Variants in CSMD1 observed in about 807,000 individuals in gnomAD.
The protein encoded by CSMD1 is CUB and Sushi multiple domains 1.
Under a neutral mutation model 417.5 loss-of-function variants are expected in CSMD1, and 213 were observed. That is an observed-to-expected ratio of 0.51 (90% CI 0.46 to 0.57). CSMD1 has a LOEUF of 0.57. CSMD1 is among the 20% of genes least tolerant of loss of function. The pLI is 0.00. For missense variants in CSMD1, 6,923 were observed against 4,529.7 expected (o/e 1.53, Z -15.17); for synonymous variants, 2,862 against 1,736.8 (o/e 1.65, Z -16.11).
chr8:4,556,676 G>GT (rs1243191933), intron 2 of CSMD1, among the ~76,000 whole-genome samples: 1 of 152,090 alleles, frequency 6.6e-6, no homozygotes, highest in Non-Finnish European at 1.5e-5. Context: ...AACAACAAAA[G>GT]TTTTTTTCCA....
chr8:3,469,408 T>G (rs1288134338), intron 11 of CSMD1, among the ~76,000 whole-genome samples: 1 of 152,190 alleles, frequency 6.6e-6, no homozygotes, highest in East Asian at 1.9e-4. Flanking sequence ...GAAATAGATT[T>G]GGCAGCATTT....
chr8:4,646,926 C>T (rs943443818), intron 1 of CSMD1, among the ~76,000 whole-genome samples: 1 of 152,056 alleles, frequency 6.6e-6, no homozygotes, highest in Non-Finnish European at 1.5e-5. Context: ...AAAATTAGTA[C>T]ACACATTTTT....
At chr8:3,992,239 A>G (rs1376537287) in intron 5 of CSMD1, among the ~76,000 whole-genome samples, 4 of 152,018 alleles carry the variant, frequency 2.6e-5, no homozygotes, top group East Asian at 3.9e-4. Context: ...CTTCTAAAAA[A>G]CAACACTTCT....
At chr8:3,820,973 A>G (rs576416905) in intron 5 of CSMD1, among the ~76,000 whole-genome samples, 1 of 151,880 alleles carries the variant, frequency 6.6e-6, no homozygotes, top group East Asian at 2.0e-4. Flanking sequence ...CTGGAGTGCA[A>G]TGGTGCAAAC....
At chr8:3,785,180 A>C (rs116181109) in intron 5 of CSMD1, among the ~76,000 whole-genome samples, 2,596 of 152,296 alleles carry the variant, frequency 0.017, 78 homozygotes, top group African/African-American at 0.058. Flanking sequence ...TGCATGATGG[A>C]GATGATGACT....
chr8:3,964,602 A>C (rs756940314), intron 5 of CSMD1, among the ~76,000 whole-genome samples: 1 of 152,136 alleles, frequency 6.6e-6, no homozygotes, highest in Non-Finnish European at 1.5e-5. Flanking sequence ...TTAAATCCCA[A>C]TTGTAATGTT....
At chr8:4,857,636 C>A (rs1801881783) in intron 1 of CSMD1, among the ~76,000 whole-genome samples, 1 of 152,108 alleles carries the variant, frequency 6.6e-6, no homozygotes, top group African/African-American at 2.4e-5. Flanking sequence ...CTACAAACAC[C>A]TCTACGCAAA....
chr8:4,145,250 G>A (rs970046326), intron 3 of CSMD1, among the ~76,000 whole-genome samples: 13 of 151,042 alleles, frequency 8.6e-5, no homozygotes, highest in Non-Finnish European at 1.3e-4. Flanking sequence ...GACCTGGACA[G>A]GTATAACTGG....
chr8:2,995,506 C>G (rs1407358078), intron 54 of CSMD1, among the ~76,000 whole-genome samples: 1 of 152,150 alleles, frequency 6.6e-6, no homozygotes, highest in Admixed American at 6.5e-5. Flanking sequence ...TAAGACTAAA[C>G]TTGCAAATAC....
chr8:4,623,131 G>C (rs549993605), intron 2 of CSMD1, among the ~76,000 whole-genome samples: 1 of 152,070 alleles, frequency 6.6e-6, no homozygotes, highest in Non-Finnish European at 1.5e-5. Flanking sequence ...TATTTAGAAA[G>C]CTCTGATAAC....
chr8:4,758,380 C>G (rs1264333804), intron 1 of CSMD1, among the ~76,000 whole-genome samples: 1 of 151,936 alleles, frequency 6.6e-6, no homozygotes, highest in Non-Finnish European at 1.5e-5. Flanking sequence ...CAAGTTGCAC[C>G]CAATCCTGGT....
At chr8:3,210,779 A>T (rs1797558424) in intron 30 of CSMD1, among the ~76,000 whole-genome samples, 1 of 151,410 alleles carries the variant, frequency 6.6e-6, no homozygotes, top group Non-Finnish European at 1.5e-5. Flanking sequence ...TACTTTACCC[A>T]TGCTTTTTCT....
intron 3 of CSMD1, among the ~76,000 whole-genome samples, chr8:4,231,012 T>C (rs1005773376): frequency 6.6e-6 from 1 of 152,168 alleles, no homozygotes; most frequent in Admixed American, 6.5e-5. Flanking sequence ...CACACACACA[T>C]TCACAGAGCA....
intron 1 of CSMD1, among the ~76,000 whole-genome samples, chr8:4,747,336 T>A (rs1811025506): frequency 6.6e-6 from 1 of 152,182 alleles, no homozygotes. Context: ...ATATGAAGAA[T>A]TTGCTATATG....
At chr8:4,299,148 G>A (rs750621968) in intron 3 of CSMD1, among the ~76,000 whole-genome samples, 2 of 152,094 alleles carry the variant, frequency 1.3e-5, no homozygotes, top group South Asian at 2.1e-4. Flanking sequence ...AAAACAGATC[G>A]TGCTTTTCTT....
intron 1 of CSMD1, among the ~76,000 whole-genome samples, chr8:4,738,454 A>T (rs1307535574): frequency 6.6e-6 from 1 of 152,130 alleles, no homozygotes; most frequent in Non-Finnish European, 1.5e-5. Flanking sequence ...AAACCATCAG[A>T]TCTCATGAGA....
rs373781138 is a variant in CSMD1, at chr8:4,613,713, G to GA, written c.302+23628dup. 4.6e-3 allele frequency among the ~76,000 whole-genome samples: 704 copies of GA among 151,964 alleles called. 2 individuals carry two copies. The highest frequency in any genetic ancestry group is 0.016 in the African/African-American group (679 of 41,470). On this transcript the variant is annotated intron_variant, in intron 2 of 69. Transcript: ENST00000635120. ...TGGCAGTAGTAAATCATTCAGAAGT[G>GA]AAAAAAATAGAAGACTGAATTCTAA...
At chr8:3,214,400 G>C (rs1797778366) in intron 30 of CSMD1, 97 bp downstream of exon 30, 1 of 1,037,152 alleles carries the variant, frequency 9.6e-7, no homozygotes, top group African/African-American at 1.6e-5. Flanking sequence ...CCACCGATGA[G>C]AGGAATACGT....
chr8:3,606,519 T>A (rs1801622751), intron 8 of CSMD1, among the ~76,000 whole-genome samples: 1 of 151,838 alleles, frequency 6.6e-6, no homozygotes, highest in African/African-American at 2.4e-5. Context: ...TCCCTATGAA[T>A]GGAGCTGGCA....
Sources: allele counts gnomAD v4.1 joint callset (sites outside exome capture counted in the v4.1 genomes callset), GRCh38; gene constraint gnomAD v4.1.1; transcripts MANE v1.5; gene names NCBI Gene and HGNC (gene_info 2026-07-23, HGNC 2026-07-21).